CACNA1C: variants seen among roughly 807,000 people sequenced by gnomAD.
The protein encoded by CACNA1C is voltage-dependent L-type calcium channel subunit alpha-1C.
Under a neutral mutation model 229.0 loss-of-function variants are expected in CACNA1C, and 30 were observed. The observed-to-expected ratio is 0.13, with a 90% CI of 0.10 to 0.18. The LOEUF (loss-of-function observed/expected upper bound fraction) is 0.18. Among genes scored for constraint, CACNA1C ranks in the 10% least tolerant of loss-of-function variants. The probability of loss-of-function intolerance (pLI) is 1.00; values close to 1 mark genes in which losing one functional copy is unlikely to be tolerated. For missense variants in CACNA1C, 1,658 were observed against 2,845.0 expected, an observed-to-expected ratio of 0.58 and a Z score of 9.49; for synonymous variants, 1,114 against 1,132.5, an observed-to-expected ratio of 0.98 and a Z score of 0.33.
chr12:2,037,246 C>T (rs1348076076), intron 1 of CACNA1C, among the ~76,000 whole-genome samples: 4 of 152,214 alleles, frequency 2.6e-5, no homozygotes, highest in Non-Finnish European at 5.9e-5. Flanking sequence ...TATTCTCTTA[C>T]CTCCTCAAGT....
intron 3 of CACNA1C, among the ~76,000 whole-genome samples, chr12:2,149,130 A>G (rs1419968313): frequency 1.3e-5 from 2 of 152,200 alleles, no homozygotes; most frequent in East Asian, 1.9e-4. Context: ...GGAATTAACT[A>G]ATAGACTGAT....
At chr12:2,474,231 C>A (rs1036927585) in intron 5 of CACNA1C, among the ~76,000 whole-genome samples, 2 of 152,186 alleles carry the variant, frequency 1.3e-5, no homozygotes, top group African/African-American at 4.8e-5. Flanking sequence ...ACCAAGCCAC[C>A]TTTTCCTCCT....
chr12:2,069,488 G>C (rs1033090231), intron 1 of CACNA1C, among the ~76,000 whole-genome samples: 1 of 152,200 alleles, frequency 6.6e-6, no homozygotes, highest in African/African-American at 2.4e-5. Context: ...GGAGAGAGCA[G>C]TGTGACCGAG....
chr12:2,061,618 C>G (rs1369274470), intron 1 of CACNA1C, among the ~76,000 whole-genome samples: 1 of 152,054 alleles, frequency 6.6e-6, no homozygotes, highest in Non-Finnish European at 1.5e-5. Flanking sequence ...TGGCAGCTGT[C>G]CACCTGCCAT....
intron 9 of CACNA1C, among the ~76,000 whole-genome samples, chr12:2,519,299 C>T (rs562148254): frequency 2.6e-4 from 39 of 152,366 alleles, no homozygotes; most frequent in Admixed American, 1.2e-3. Flanking sequence ...CACGAACACA[C>T]GCAAACGCGA....
chr12:2,602,076 G>C lies in CACNA1C; in HGVS notation c.2960+116G>C. 1.4e-6 allele frequency: 1 copy of C among 704,734 alleles called. No homozygotes were observed. The highest frequency in any genetic ancestry group is 2.1e-5 in the Admixed American group (1 of 48,178). The allele number at this position is 704,734 out of a possible 1,614,324, so 43.7% of individuals were successfully genotyped here. ...GGCCACCGCAGTGTGATGAGAGTGG[G>C]GTGGGGCCTCCAAAGCTGTGCATGG... On this transcript the variant is annotated intron_variant, in intron 22 of 46. Coordinates refer to ENST00000399655, the MANE Select transcript of CACNA1C (RefSeq NM_000719.7). This position sits in a 1 kb window ranked among gnomAD's most constrained non-coding sequence, Gnocchi z 4.4.
chr12:2,095,820 G>T (rs962295891), intron 1 of CACNA1C, among the ~76,000 whole-genome samples: 3 of 152,236 alleles, frequency 2.0e-5, no homozygotes, highest in African/African-American at 7.2e-5. Context: ...AGGTTTAGGA[G>T]TGGAGAGGTC....
intron 42 of CACNA1C, 28 bp from the exon 43 acceptor site, chr12:2,682,522 A>T: frequency 6.2e-7 from 1 of 1,607,276 alleles, no homozygotes; most frequent in Non-Finnish European, 8.5e-7. Context: ...GCAGTTTCTG[A>T]TGTTTTTCTT....
intron 3 of CACNA1C, among the ~76,000 whole-genome samples, chr12:2,251,294 C>T (rs528688039): frequency 1.5e-4 from 23 of 152,232 alleles, no homozygotes; most frequent in Admixed American, 1.1e-3. Context: ...CTCCTGGGAT[C>T]GTGACCATCA....
chr12:2,024,822 C>A (rs943682976), intron 1 of CACNA1C, among the ~76,000 whole-genome samples: 1 of 152,200 alleles, frequency 6.6e-6, no homozygotes, highest in Admixed American at 6.5e-5. Context: ...CAACAAACCA[C>A]GAAGACCAAA....
intron 9 of CACNA1C, among the ~76,000 whole-genome samples, chr12:2,532,490 C>T (rs1052128445): frequency 8.5e-5 from 13 of 152,226 alleles, no homozygotes; most frequent in Non-Finnish European, 4.4e-5. Context: ...TCAGGCACAT[C>T]CCAACTTCAC....
chr12:2,674,402 A>G, intron 38 of CACNA1C, 139 bp from the exon 39 acceptor site: 1 of 1,244,284 alleles, frequency 8.0e-7, no homozygotes, highest in South Asian at 1.7e-5. Flanking sequence ...ACTGGGGAGA[A>G]GTGAAGCAAG....
intron 30 of CACNA1C, 141 bp downstream of exon 30, chr12:2,634,521 A>C (rs1603032040): frequency 4.7e-6 from 2 of 425,804 alleles, no homozygotes; most frequent in Non-Finnish European, 8.3e-6. Context: ...AATTGGTTTG[A>C]AGGTTTTTTT....
intron 34 of CACNA1C, among the ~76,000 whole-genome samples, chr12:2,662,776 G>A (rs1242858106): frequency 6.6e-6 from 1 of 152,216 alleles, no homozygotes; most frequent in African/African-American, 2.4e-5. Flanking sequence ...CAGTACTTCT[G>A]TACCAAGATA....
intron 1 of CACNA1C, among the ~76,000 whole-genome samples, chr12:2,011,923 A>T (rs2044516774): frequency 6.6e-6 from 1 of 151,260 alleles, no homozygotes; most frequent in Non-Finnish European, 1.5e-5. Context: ...ATCACCTGTG[A>T]TGATTTGCAT....
At chr12:2,427,591 A>G (rs1433542501) in intron 3 of CACNA1C, among the ~76,000 whole-genome samples, 2 of 151,982 alleles carry the variant, frequency 1.3e-5, no homozygotes, top group African/African-American at 4.8e-5. Context: ...ATGGCTAGCA[A>G]TTGTCAGGCA....
intron 1 of CACNA1C, among the ~76,000 whole-genome samples, chr12:2,095,235 C>A (rs940795549): frequency 2.6e-5 from 4 of 152,232 alleles, no homozygotes; most frequent in Admixed American, 2.0e-4. Context: ...CACCTGTCCA[C>A]TTTTTCTTTC....
chr12:2,664,903 C>T lies in CACNA1C; in HGVS notation c.4311C>T (p.Pro1437=). 1 of 1,613,822 alleles carries T rather than the reference C, an allele frequency of 6.2e-7. No individual in the cohort carries two copies. Among genetic ancestry groups the T allele is most frequent in the South Asian group, 1.1e-5 (1 of 91,032 alleles). ...PGKKCAPESE[P]SNSTEGETPC... ...AGAAGTGTGCCCCAGAGTCCGAGCC[C>T]AGCAACAGCACGGAGGGTGAAACAC... Residue 1437 remains proline (P), a synonymous_variant, in exon 35 of 47, where the codon CCC becomes CCT. Coordinates refer to ENST00000399655, the MANE Select transcript of CACNA1C (RefSeq NM_000719.7).
At chr12:2,224,152 C>T (rs1224952551) in intron 3 of CACNA1C, among the ~76,000 whole-genome samples, 1 of 152,204 alleles carries the variant, frequency 6.6e-6, no homozygotes, top group East Asian at 1.9e-4. Flanking sequence ...GCAGTAGACC[C>T]TAGGTGCCCT....
Sources: gnomAD v4.1 joint callset for allele counts (sites outside exome capture counted in the v4.1 genomes callset) on GRCh38, gnomAD v4.1.1 for gene constraint, Gnocchi (gnomAD v3.1) non-coding constraint, MANE v1.5 for transcripts, NCBI Gene and HGNC (gene_info 2026-07-23, HGNC 2026-07-21) for gene names.